Variants in HPF1 observed in about 807,000 individuals in gnomAD.
HPF1 encodes the protein histone PARylation factor 1, also known as UPF0609 protein C4orf27.
Under a neutral mutation model 38.8 loss-of-function variants are expected in HPF1, and 35 were observed. The ratio of observed to expected loss-of-function variants is 0.90; its 90% CI spans 0.69 to 1.19. HPF1 has a LOEUF of 1.19. HPF1 is among the 50% of genes most tolerant of loss of function. The probability of loss-of-function intolerance (pLI) is 0.00; values close to 1 mark genes in which losing one functional copy is unlikely to be tolerated. For synonymous variants in HPF1, 115 were observed against 139.2 expected, an observed-to-expected ratio of 0.83 and a Z score of 1.22; for missense variants, 367 against 405.8, an observed-to-expected ratio of 0.90 and a Z score of 0.82.
At chr4:169,731,006 G>C (rs1474589252) in intron 7 of HPF1, among the ~76,000 whole-genome samples, 1 of 152,192 alleles carries the variant, frequency 6.6e-6, no homozygotes, top group Non-Finnish European at 1.5e-5. Context: ...TCGTGCACAT[G>C]TGCACACATA....
chr4:169,742,097 T>A lies in HPF1; in HGVS notation c.508A>T (p.Thr170Ser). The change falls in exon 5 of 8, where the codon ACG (threonine) becomes TCG (serine). Residue 170 changes from threonine (T) to serine (S), a missense_variant. Thr to Ser is a moderately conservative substitution (Grantham distance 58, BLOSUM62 1). Transcript: ENST00000393381. ...TCCGTTATTTCTCTAAGTTTTTTCG[T>A]CAAAAATAATCTGAAAAAGAAGTAA... is the stretch of plus-strand genomic sequence containing the variant. ...NVFAAVKLFL[T>S]KKLREITDKK... 6.2e-7 allele frequency: 1 copy of A among 1,610,252 alleles called. No individual in the cohort carries two copies. The highest frequency in any genetic ancestry group is 1.3e-5 in the African/African-American group (1 of 74,888).
At chr4:169,731,315 C>A (rs1205105126) in intron 7 of HPF1, among the ~76,000 whole-genome samples, 1 of 152,164 alleles carries the variant, frequency 6.6e-6, no homozygotes, top group Non-Finnish European at 1.5e-5. Flanking sequence ...ACCCCCACCA[C>A]AATGGAAACG....
In HPF1 at chr4:169,743,414, T is replaced by A. The variant is rs1189494413; in HGVS notation, c.498-1307A>T. On this transcript the variant is annotated intron_variant, in intron 4 of 7. Coordinates refer to ENST00000393381, the MANE Select transcript of HPF1 (RefSeq NM_017867.3). ...CGTGAGCCACTGCCCCTGGCCTTTT[T>A]TTTTTTTTTTTTTTTTTTTTCATTT... 2.5e-3 allele frequency among the ~76,000 whole-genome samples: 345 copies of A among 139,548 alleles called. 1 individual carries two copies. Among genetic ancestry groups the A allele is most frequent in the African/African-American group, 8.6e-3 (291 of 33,792 alleles). 91.5% of individuals were successfully genotyped at this position (139,548 alleles called of 152,430 possible). A position where few individuals can be genotyped will look rare whatever the true frequency, so the allele number is the denominator to read the frequency against.
At chr4:169,740,506 T>TA (rs748955548) in intron 5 of HPF1, among the ~76,000 whole-genome samples, 15 of 152,196 alleles carry the variant, frequency 9.9e-5, no homozygotes, top group Non-Finnish European at 2.2e-4. Flanking sequence ...ACAAAGCCAC[T>TA]AACTCACATA....
intron 6 of HPF1, among the ~76,000 whole-genome samples, chr4:169,732,702 C>A (rs1034562194): frequency 6.6e-6 from 1 of 152,156 alleles, no homozygotes; most frequent in Non-Finnish European, 1.5e-5. Flanking sequence ...CTGGTTCATG[C>A]ACTATATAGT....
rs1733975212 is a variant in HPF1, at chr4:169,742,002, G to A, written c.603C>T (p.Tyr201=). The change falls in exon 5 of 8, where the codon TAC becomes TAT. Residue 201 remains tyrosine (Y), a synonymous_variant. Coordinates refer to ENST00000393381, the MANE Select transcript of HPF1 (RefSeq NM_017867.3). Reference sequence around the variant, plus strand: ...TCTTCACGGTTCTCTGTTCAAGCGAGTACCCCAATTCTCTGGCTGCTTCTG... The same window carrying A: ...TCTTCACGGTTCTCTGTTCAAGCGAATACCCCAATTCTCTGGCTGCTTCTG... The part of the protein sequence containing the change: ...KLTEAARELG[Y]SLEQRTVKMK... The A allele has an allele frequency of 6.2e-7, 1 of 1,613,350 alleles. No individual in the cohort carries two copies.
chr4:169,751,854 T>G (rs897228173), intron 2 of HPF1, among the ~76,000 whole-genome samples: 3 of 152,184 alleles, frequency 2.0e-5, no homozygotes, highest in African/African-American at 7.2e-5. Context: ...AAGATAACAG[T>G]TAATAGTCTA....
chr4:169,731,626 A>G (rs1466820438), intron 7 of HPF1, 78 bp downstream of exon 7: 1 of 1,101,682 alleles, frequency 9.1e-7, no homozygotes, highest in African/African-American at 1.6e-5. Context: ...ATGTGCACGT[A>G]TTCATGTGTG....
intron 7 of HPF1, among the ~76,000 whole-genome samples, chr4:169,731,360 A>T (rs1312670362): frequency 6.6e-6 from 1 of 152,170 alleles, no homozygotes; most frequent in Non-Finnish European, 1.5e-5. Flanking sequence ...ACACCCCCAT[A>T]CCTAGCCCCA....
chr4:169,749,512 C>T (rs1334305354), intron 3 of HPF1, among the ~76,000 whole-genome samples: 4 of 152,066 alleles, frequency 2.6e-5, no homozygotes, highest in Admixed American at 6.6e-5. Context: ...TTTTCATCAG[C>T]TCCTCAGTAA....
chr4:169,757,801 C>T, intron 1 of HPF1, 29 bp downstream of exon 1: 1 of 1,550,590 alleles, frequency 6.4e-7, no homozygotes. Flanking sequence ...AAGCGCCCCG[C>T]GTAGCCCGCA....
chr4:169,731,678 A>G (rs1733830649), intron 7 of HPF1, 26 bp downstream of exon 7: 2 of 1,492,226 alleles, frequency 1.3e-6, no homozygotes, highest in East Asian at 4.9e-5. Context: ...GGCAGTGGGT[A>G]GAAGGTGGAG....
At chr4:169,741,693 G>A (rs115243585) in intron 5 of HPF1, among the ~76,000 whole-genome samples, 1 of 152,296 alleles carries the variant, frequency 6.6e-6, no homozygotes, top group African/African-American at 2.4e-5. Flanking sequence ...TTAAAAGAGT[G>A]GTAAATACTG....
chr4:169,741,232 A>G (rs1733965419), intron 5 of HPF1, among the ~76,000 whole-genome samples: 1 of 152,232 alleles, frequency 6.6e-6, no homozygotes. Context: ...ATTAAGGAAT[A>G]GCAAGTTCTC....
chr4:169,757,887 G>T lies in HPF1; in HGVS notation c.-10C>A. 1 of 1,550,670 alleles carries T rather than the reference G, an allele frequency of 6.4e-7. No homozygotes were observed. The highest frequency in any genetic ancestry group is 8.7e-7 in the Non-Finnish European group (1 of 1,154,358). Reference sequence around the variant, plus strand: ...CGCCACCGCCGACCATTCTGCAGCTGCAGCGCCAGCAGAATTCCCCGATCC... The same window carrying T: ...CGCCACCGCCGACCATTCTGCAGCTTCAGCGCCAGCAGAATTCCCCGATCC... On this transcript the variant is annotated 5_prime_UTR_variant, in exon 1 of 8. Coordinates refer to ENST00000393381, the MANE Select transcript of HPF1 (RefSeq NM_017867.3).
At chr4:169,738,785 T>C (rs1232374866) in intron 5 of HPF1, among the ~76,000 whole-genome samples, 1 of 152,186 alleles carries the variant, frequency 6.6e-6, no homozygotes, top group Non-Finnish European at 1.5e-5. Flanking sequence ...CATACACATA[T>C]ACACCATGGA....
chr4:169,729,619 C>T lies in HPF1; in HGVS notation c.1000G>A (p.Ala334Thr), dbSNP rs146654985. The change falls in exon 8 of 8, where the codon GCA becomes ACA. Residue 334 changes from alanine (A) to threonine (T), a missense_variant. Ala to Thr is a moderately conservative substitution (Grantham distance 58, BLOSUM62 0). Transcript: ENST00000393381. The part of the protein sequence containing the change: ...LFAEIIEEHL[A>T]NRSQENIDQL... ...TCTATGTTCTCTTGACTTCTGTTTG[C>T]CAGATGCTCCTCAATAATTTCTGCA... 13 of 1,588,980 alleles carry T rather than the reference C, an allele frequency of 8.2e-6. No individual in the cohort carries two copies. The African/African-American group carries it at 1.6e-4, about 20-fold the overall frequency.
At chr4:169,757,729 C>A in intron 1 of HPF1, 101 bp downstream of exon 1, 2 of 1,163,730 alleles carry the variant, frequency 1.7e-6, no homozygotes, top group Non-Finnish European at 2.5e-6. Flanking sequence ...GGACACACAG[C>A]AAGCTTAATA....
At chr4:169,744,668 C>A (rs1276225990) in intron 4 of HPF1, among the ~76,000 whole-genome samples, 1 of 152,206 alleles carries the variant, frequency 6.6e-6, no homozygotes, top group Non-Finnish European at 1.5e-5. Context: ...ATTGCGCTCA[C>A]AGTGGTATTA....
Sources: allele counts gnomAD v4.1 joint callset (sites outside exome capture counted in the v4.1 genomes callset), GRCh38; gene constraint gnomAD v4.1.1; transcripts MANE v1.5; gene names NCBI Gene and HGNC (gene_info 2026-07-23, HGNC 2026-07-21).